Variants in WLS observed in about 807,000 individuals in gnomAD.
WLS encodes the protein Wnt ligand secretion mediator, also known as protein wntless homolog.
In WLS, 23 loss-of-function variants were observed where a neutral mutation model predicts 62.8. The observed-to-expected ratio is 0.37, with a 90% confidence interval of 0.26 to 0.52. The LOEUF (loss-of-function observed/expected upper bound fraction) is 0.52. WLS is among the 20% of genes least tolerant of loss of function. The pLI is 0.92. For missense variants in WLS, 615 were observed against 697.3 expected (o/e 0.88, Z 1.33); for synonymous variants, 246 against 244.1 (o/e 1.01, Z -0.07).
At chr1:68,156,940 G>A (rs1646908281) in intron 3 of WLS, among the ~76,000 whole-genome samples, 1 of 152,198 alleles carries the variant, frequency 6.6e-6, no homozygotes, top group Non-Finnish European at 1.5e-5. Context: ...TTTGTTTCCA[G>A]TTAGGGCCTT....
intron 11 of WLS, among the ~76,000 whole-genome samples, chr1:68,102,011 C>T (rs929365097): frequency 6.6e-6 from 1 of 152,144 alleles, no homozygotes; most frequent in African/African-American, 2.4e-5. Context: ...TAAATACCTT[C>T]GTTATAGCTG....
At chr1:68,186,657 A>G in intron 2 of WLS, 1 of 456,220 alleles carries the variant, frequency 2.2e-6, no homozygotes, top group South Asian at 1.5e-5. Flanking sequence ...TTGCTGTCAG[A>G]AAGGAATCCA....
intron 1 of WLS, among the ~76,000 whole-genome samples, chr1:68,200,037 G>A (rs190527844): frequency 6.6e-6 from 1 of 152,300 alleles, no homozygotes; most frequent in Admixed American, 6.5e-5. Flanking sequence ...AAGGAATGCA[G>A]AGAATAGACC....
At chr1:68,213,952 T>A (rs991088134) in intron 1 of WLS, among the ~76,000 whole-genome samples, 2 of 152,110 alleles carry the variant, frequency 1.3e-5, no homozygotes, top group African/African-American at 4.8e-5. Context: ...TTCCCAACCA[T>A]CCCCAGCACT....
At chr1:68,134,762 A>G (rs185907881) in intron 11 of WLS, among the ~76,000 whole-genome samples, 1 of 152,358 alleles carries the variant, frequency 6.6e-6, no homozygotes, top group African/African-American at 2.4e-5. Context: ...CCATGAAATT[A>G]CAGATCAAGC....
intron 2 of WLS, among the ~76,000 whole-genome samples, chr1:68,170,450 G>A (rs1053818675): frequency 2.2e-4 from 33 of 152,130 alleles, no homozygotes; most frequent in African/African-American, 7.2e-4. Context: ...TTACAGGTGT[G>A]AGCCACCGCG....
At chr1:68,195,718 TC>T (rs1404692702) in intron 1 of WLS, among the ~76,000 whole-genome samples, 2 of 152,072 alleles carry the variant, frequency 1.3e-5, no homozygotes, top group East Asian at 1.9e-4. Flanking sequence ...TTTATGTTTT[TC>T]CCCCCATGCT....
rs139415115 is a variant in WLS at position 68,102,449 on chromosome 1, A to G, written c.1511-3696T>C. Among the ~76,000 whole-genome samples the G allele has an allele frequency of 2.9e-4, 44 of 152,172 alleles. No individual in the cohort carries two copies. In the East Asian group the frequency reaches 7.2e-3, roughly 25 times the overall value. ...TCTCTCTTCTTGCTCTCCAGAATTC[A>G]TTGATTTGAGGCATGCATCTGACCT... is the stretch of plus-strand genomic sequence containing the variant. On this transcript the variant is annotated intron_variant, in intron 11 of 11. Transcript: ENST00000354777.
chr1:68,216,971 T>C (rs909066872), intron 1 of WLS, among the ~76,000 whole-genome samples: 1 of 152,210 alleles, frequency 6.6e-6, no homozygotes, highest in East Asian at 1.9e-4. Flanking sequence ...TAAATACTTT[T>C]CTTCTACAGT....
Position 68,145,874 on chromosome 1 carries a change from A to G in WLS, c.1273T>C (p.Tyr425His), listed in dbSNP as rs888029073. The change falls in exon 9 of 12, where the codon TAT (tyrosine) becomes CAT (histidine). Residue 425 changes from tyrosine to histidine, a missense_variant. Physicochemically the swap from Tyr to His is moderately conservative, Grantham distance 83 (BLOSUM62 2). Coordinates refer to ENST00000262348, the MANE Select transcript of WLS (RefSeq NM_024911.7). Reference protein sequence around the residue: ...PAMSKVRRLHYEGLIFRFKFL... With the variant: ...PAMSKVRRLHHEGLIFRFKFL... ...GAGCCAAGAAATCTGCCCACCTCAT[A>G]GTGTAGCCGCCGGACTTTGCTCATA... 6.2e-7 allele frequency: 1 copy of G among 1,614,148 alleles called. No individual in the cohort carries two copies.
chr1:68,223,203 T>C (rs1650010352), intron 1 of WLS, among the ~76,000 whole-genome samples: 1 of 152,246 alleles, frequency 6.6e-6, no homozygotes, highest in African/African-American at 2.4e-5. Flanking sequence ...GCATGAGAGA[T>C]TCTCTTGGGA....
At chr1:68,147,149 T>C (rs942248256) in intron 8 of WLS, among the ~76,000 whole-genome samples, 1 of 152,220 alleles carries the variant, frequency 6.6e-6, no homozygotes, top group African/African-American at 2.4e-5. Flanking sequence ...TTCTTTCCTA[T>C]AATGAACATC....
chr1:68,163,634 GAAA>G (rs5774918), intron 2 of WLS, among the ~76,000 whole-genome samples: 21 of 116,292 alleles, frequency 1.8e-4, no homozygotes, highest in East Asian at 7.2e-4. Flanking sequence ...TCTTAATGAG[GAAA>G]AAAAAAAAAA....
chr1:68,226,159 G>T (rs1255778437), intron 1 of WLS, among the ~76,000 whole-genome samples: 18 of 152,240 alleles, frequency 1.2e-4, no homozygotes, highest in East Asian at 7.7e-4. Flanking sequence ...TGAGAAATCA[G>T]TTTTAGTGCT....
Position 68,137,897 on chromosome 1 carries a change from C to T in WLS, c.1399G>A (p.Val467Ile), listed in dbSNP as rs1474972960. ...GTGAAAAAGGCACTGTTCACTTGGA[C>T]TGTGACGCCGCCCCATTTCCAATGG... ...EGHWKWGGVTVQVNSAFFTGI... is the reference protein window; with the variant it reads ...EGHWKWGGVTIQVNSAFFTGI... The change falls in exon 11 of 12, where the codon GTC (valine) becomes ATC (isoleucine). Residue 467 changes from valine to isoleucine, a missense_variant. Physicochemically the swap from Val to Ile is conservative, Grantham distance 29 (BLOSUM62 3). Transcript: ENST00000262348. The T allele has an allele frequency of 1.9e-6, 3 of 1,613,982 alleles. No homozygotes were observed. The highest frequency in any genetic ancestry group is 1.3e-5 in the African/African-American group (1 of 75,028).
chr1:68,109,822 C>T (rs902180136), intron 11 of WLS, among the ~76,000 whole-genome samples: 1 of 151,686 alleles, frequency 6.6e-6, no homozygotes, highest in Non-Finnish European at 1.5e-5. Flanking sequence ...GGATTTTAAA[C>T]AATCATATAA....
rs1014782822 is a variant in WLS at position 68,110,503 on chromosome 1, G to A, written c.1511-11750C>T. 5.9e-5 allele frequency among the ~76,000 whole-genome samples: 9 copies of A among 152,114 alleles called. No homozygotes were observed. The East Asian group carries it at 7.7e-4, about 13-fold the overall frequency. On this transcript the variant is annotated intron_variant, in intron 11 of 11. Coordinates refer to the WLS transcript ENST00000354777. ...ATAAAAAACCAAATGTCCAAGAAGA[G>A]CCAAGACATTCTGAGGACAAACAGG...
intron 1 of WLS, among the ~76,000 whole-genome samples, chr1:68,207,260 A>C (rs2566796): frequency 6.6e-6 from 1 of 152,208 alleles, no homozygotes; most frequent in Non-Finnish European, 1.5e-5. Flanking sequence ...CAGTGGTCTG[A>C]ATACTCACAG....
chr1:68,180,951 A>G (rs2100567058), intron 2 of WLS, among the ~76,000 whole-genome samples: 1 of 152,342 alleles, frequency 6.6e-6, no homozygotes, highest in African/African-American at 2.4e-5. Flanking sequence ...CACTAAAGCA[A>G]AAGAGGATCT....
Sources: gnomAD v4.1 joint callset for allele counts (sites outside exome capture counted in the v4.1 genomes callset) on GRCh38, gnomAD v4.1.1 for gene constraint, MANE v1.5 for transcripts, NCBI Gene and HGNC (gene_info 2026-07-23, HGNC 2026-07-21) for gene names.